GRAMD1B: variants seen among roughly 807,000 people sequenced by gnomAD.
The protein encoded by GRAMD1B is protein Aster-B.
In GRAMD1B, 37 loss-of-function variants were observed where a neutral mutation model predicts 99.7. The observed-to-expected ratio is 0.37, with a 90% CI of 0.29 to 0.49. The LOEUF (loss-of-function observed/expected upper bound fraction) is 0.49, where lower values mean the gene tolerates loss of function less well. Among genes scored for constraint, GRAMD1B ranks in the 20% least tolerant of loss-of-function variants. The pLI is 0.98. For synonymous variants in GRAMD1B, 427 were observed against 387.6 expected, an observed-to-expected ratio of 1.10 and a Z score of -1.19; for missense variants, 888 against 1,009.2, an observed-to-expected ratio of 0.88 and a Z score of 1.63.
intron 2 of GRAMD1B, among the ~76,000 whole-genome samples, chr11:123,481,991 C>T (rs528905051): frequency 6.6e-6 from 1 of 152,142 alleles, no homozygotes; most frequent in South Asian, 2.1e-4. Context: ...TAGAGAACAC[C>T]AAGGATGATA....
Position 123,605,211 on chromosome 11 carries a change from G to T in GRAMD1B, c.1167-111G>T, listed in dbSNP as rs548717095. The T allele has an allele frequency of 7.1e-5, 50 of 707,748 alleles. No individual in the cohort carries two copies. In the African/African-American group the frequency reaches 8.9e-4, roughly 13 times the overall value. The allele number at this position is 707,748 out of a possible 1,614,324, so 43.8% of individuals were successfully genotyped here. Reference sequence around the variant, plus strand: ...AGAGGAAGATCATACACAAAGCAAAGAAGCAGGAAATCTCATAGATATGGA... The same window carrying T: ...AGAGGAAGATCATACACAAAGCAAATAAGCAGGAAATCTCATAGATATGGA... On this transcript the variant is annotated intron_variant, in intron 9 of 19. Coordinates refer to ENST00000635736, the MANE Select transcript of GRAMD1B (RefSeq NM_001387025.1).
intron 1 of GRAMD1B, among the ~76,000 whole-genome samples, chr11:123,475,766 C>T (rs564485688): frequency 1.4e-4 from 22 of 152,180 alleles, no homozygotes; most frequent in African/African-American, 3.9e-4. Context: ...CCAGAGTGGA[C>T]GCAGACTGGA....
In GRAMD1B at chr11:123,591,505, A is replaced by G. The variant is rs1211438303; in HGVS notation, c.685-2577A>G. On this transcript the variant is annotated intron_variant, in intron 4 of 19. Coordinates refer to ENST00000635736, the MANE Select transcript of GRAMD1B (RefSeq NM_001387025.1). This position sits in a 1 kb window ranked among gnomAD's most constrained non-coding sequence, Gnocchi z 4.7. ...TTGGCCATGCACCTGCTGCCGCTGA[A>G]CACCGTTGCTGGCACGGATCTGAGG... The G allele has an allele frequency of 5.0e-6, 2 of 398,806 alleles. No homozygotes were observed. Among genetic ancestry groups the G allele is most frequent in the Non-Finnish European group, 8.8e-6 (2 of 226,082 alleles). 24.7% of individuals were successfully genotyped at this position (398,806 alleles called of 1,614,324 possible).
chr11:123,449,586 G>A (rs565190657), intron 1 of GRAMD1B, among the ~76,000 whole-genome samples: 69 of 152,118 alleles, frequency 4.5e-4, no homozygotes, highest in African/African-American at 1.6e-3. Context: ...AGCAGACACT[G>A]CTTTTTATTT....
chr11:123,531,363 G>A (rs12223064), intron 2 of GRAMD1B, among the ~76,000 whole-genome samples: 5,800 of 152,204 alleles, frequency 0.038, 232 homozygotes, highest in Admixed American at 0.13. Flanking sequence ...TTCTGCTTTG[G>A]TAAACTGTAC....
At chr11:123,581,787 A>G (rs949046679) in intron 3 of GRAMD1B, among the ~76,000 whole-genome samples, 6 of 152,226 alleles carry the variant, frequency 3.9e-5, no homozygotes, top group African/African-American at 1.2e-4. Context: ...TAAAGACAGG[A>G]CTGGCTTCCC....
At chr11:123,549,616 C>T (rs1287621002) in intron 2 of GRAMD1B, among the ~76,000 whole-genome samples, 1 of 152,108 alleles carries the variant, frequency 6.6e-6, no homozygotes, top group African/African-American at 2.4e-5. Context: ...CTTAGACCAA[C>T]TCCTCCTTAT....
chr11:123,498,121 C>G (rs954590108), intron 2 of GRAMD1B, among the ~76,000 whole-genome samples: 7 of 152,120 alleles, frequency 4.6e-5, no homozygotes, highest in African/African-American at 1.7e-4. Context: ...TGGGACCCAC[C>G]CTTCAGGGCA....
chr11:123,561,057 G>A (rs1453082628), intron 2 of GRAMD1B, among the ~76,000 whole-genome samples: 5 of 152,102 alleles, frequency 3.3e-5, no homozygotes, highest in South Asian at 2.1e-4. Context: ...TCTGGATCAC[G>A]GAGGGGTGGC....
At chr11:123,379,760 AT>A (rs1347932211) in intron 1 of GRAMD1B, among the ~76,000 whole-genome samples, 3 of 152,194 alleles carry the variant, frequency 2.0e-5, no homozygotes, top group African/African-American at 7.2e-5. Context: ...CCGCCAGACT[AT>A]TTTCCAAAGG....
Position 123,587,469 on chromosome 11 carries a change from C to T in GRAMD1B, c.684+3137C>T, listed in dbSNP as rs1197184438. On this transcript the variant is annotated intron_variant, in intron 4 of 19. Transcript: ENST00000635736. The surrounding 1 kb of genome is among the most constrained non-coding windows in gnomAD (Gnocchi z 4.2). ...AGCAGAAATAGGGTTTTGCCTTCAGCAGGGAGCCAAGGGCAGAGTTGAGGG... is the reference window on the plus strand; with the variant it reads ...AGCAGAAATAGGGTTTTGCCTTCAGTAGGGAGCCAAGGGCAGAGTTGAGGG... Among the ~76,000 whole-genome samples the T allele has an allele frequency of 6.6e-6, 1 of 152,204 alleles. No homozygotes were observed. Among genetic ancestry groups the T allele is most frequent in the Non-Finnish European group, 1.5e-5 (1 of 68,042 alleles).
chr11:123,480,244 C>T (rs533871522), intron 1 of GRAMD1B, among the ~76,000 whole-genome samples: 26 of 152,252 alleles, frequency 1.7e-4, no homozygotes, highest in South Asian at 4.1e-4. Context: ...ATTTCTCATC[C>T]GCCTCAGCCT....
intron 2 of GRAMD1B, among the ~76,000 whole-genome samples, chr11:123,494,599 G>C (rs978509825): frequency 1.3e-5 from 2 of 152,104 alleles, no homozygotes; most frequent in African/African-American, 2.4e-5. Context: ...ACCATCACCT[G>C]CTCTGTTTCT....
At position 123,608,642 on chromosome 11, in the gene GRAMD1B, T is replaced by A; in HGVS notation, c.1514-17T>A. 2 of 1,575,182 alleles carry A rather than the reference T, an allele frequency of 1.3e-6. No individual in the cohort carries two copies. The highest frequency in any genetic ancestry group is 2.7e-5 in the African/African-American group (2 of 74,142). On this transcript the variant is annotated splice_polypyrimidine_tract_variant and intron_variant, in intron 11 of 19. Coordinates refer to ENST00000635736, the MANE Select transcript of GRAMD1B (RefSeq NM_001387025.1). ...TCCGCTGTCACTGTCTACTTCCTGA[T>A]CCTCTCTTCTGTGCAGGAGAGGTCC...
At chr11:123,564,572 G>A (rs912908734) in intron 2 of GRAMD1B, among the ~76,000 whole-genome samples, 1 of 152,216 alleles carries the variant, frequency 6.6e-6, no homozygotes, top group African/African-American at 2.4e-5. Context: ...TAAGGTGTTA[G>A]TTCATTACAT....
chr11:123,428,615 A>T (rs1948737093), upstream of GRAMD1B, among the ~76,000 whole-genome samples: 1 of 152,224 alleles, frequency 6.6e-6, no homozygotes. Flanking sequence ...TCCATACTTG[A>T]CAAGTGTCAT....
chr11:123,483,828 C>G (rs1403658083), intron 2 of GRAMD1B, among the ~76,000 whole-genome samples: 1 of 152,142 alleles, frequency 6.6e-6, no homozygotes, highest in Non-Finnish European at 1.5e-5. Flanking sequence ...GAGAGTGGAA[C>G]CTCTCTAGTC....
At chr11:123,364,093 T>C (rs2135692309) in intron 1 of GRAMD1B, among the ~76,000 whole-genome samples, 1 of 152,326 alleles carries the variant, frequency 6.6e-6, no homozygotes, top group Non-Finnish European at 1.5e-5. Flanking sequence ...GGGCTCTTTT[T>C]CCTTATATAT....
intron 2 of GRAMD1B, among the ~76,000 whole-genome samples, chr11:123,573,337 GGAT>G (rs1948368891): frequency 1.3e-5 from 2 of 152,192 alleles, no homozygotes; most frequent in African/African-American, 2.4e-5. Flanking sequence ...TCATCAAAAA[GGAT>G]GAAAAAAATG....
Sources: allele counts gnomAD v4.1 joint callset (sites outside exome capture counted in the v4.1 genomes callset), GRCh38; gene constraint gnomAD v4.1.1; non-coding constraint Gnocchi (gnomAD v3.1); transcripts MANE v1.5; gene names NCBI Gene and HGNC (gene_info 2026-07-23, HGNC 2026-07-21).